WNT11: variants seen among roughly 807,000 people sequenced by gnomAD.
WNT11 encodes Wnt family member 11.
WNT11 carries 20 observed loss-of-function variants against 35.6 expected under a neutral mutation model. The observed-to-expected ratio is 0.56, with a 90% CI of 0.40 to 0.82. The LOEUF is 0.82. WNT11 is among the 40% of genes least tolerant of loss of function. The pLI is 0.00. For missense variants in WNT11, 459 were observed against 504.4 expected (o/e 0.91, Z 0.86); for synonymous variants, 200 against 211.9 (o/e 0.94, Z 0.49).
intron 1 of WNT11, among the ~76,000 whole-genome samples, chr11:76,202,763 C>T (rs1275098994): frequency 6.6e-6 from 1 of 152,214 alleles, no homozygotes; most frequent in Non-Finnish European, 1.5e-5. Flanking sequence ...TGAGAGTCCT[C>T]CTGTTCTCTC....
At chr11:76,206,629 C>A, upstream of WNT11, 1 of 984,964 alleles carries the variant, frequency 1.0e-6, no homozygotes, top group Non-Finnish European at 1.3e-6. Context: ...CCCGCTCCGC[C>A]CGGCCGGGGG....
chr11:76,206,581 T>G (rs1591314665), upstream of WNT11: 3 of 1,171,236 alleles, frequency 2.6e-6, no homozygotes, highest in South Asian at 4.2e-5. Context: ...AAAGGAGGGG[T>G]CGGGGCCCGG....
rs1343390640 is a variant in WNT11, at chr11:76,202,534, G to A, written c.83+3791C>T. Among the ~76,000 whole-genome samples, 4 of 152,242 alleles carry A rather than the reference G, an allele frequency of 2.6e-5. No homozygotes were observed. The East Asian group carries it at 7.7e-4, about 29-fold the overall frequency. On this transcript the variant is annotated intron_variant, in intron 1 of 4. Coordinates refer to ENST00000322563, the MANE Select transcript of WNT11 (RefSeq NM_004626.3). The stretch of plus-strand genomic sequence containing the variant: ...GGACCCCAGGCTCTAGGCCACCCAG[G>A]CAAGCCCAGCCTCTCCCCAGGCTTC...
At chr11:76,209,022 T>G (rs1001532185), upstream of WNT11, among the ~76,000 whole-genome samples, 2 of 152,154 alleles carry the variant, frequency 1.3e-5, no homozygotes, top group Non-Finnish European at 2.9e-5. Flanking sequence ...CGTCGCGGGC[T>G]GGGGTCAAGT....
intron 4 of WNT11, 91 bp downstream of exon 4, chr11:76,191,473 C>A: frequency 7.0e-7 from 1 of 1,424,514 alleles, no homozygotes. Context: ...CACATGCCAC[C>A]TGAGTCCCTG....
upstream of WNT11, among the ~76,000 whole-genome samples, chr11:76,208,318 A>G (rs1412398759): frequency 1.3e-5 from 2 of 151,910 alleles, no homozygotes. Context: ...TGGATCGTAC[A>G]GTTTTTTTCC....
chr11:76,209,486 G>T (rs1005551564), upstream of WNT11, among the ~76,000 whole-genome samples: 3 of 152,136 alleles, frequency 2.0e-5, no homozygotes, highest in African/African-American at 7.2e-5. Flanking sequence ...GCGCAAGGTC[G>T]GCACGGGCGG....
At chr11:76,193,631 G>A (rs560720546) in intron 3 of WNT11, among the ~76,000 whole-genome samples, 1 of 152,354 alleles carries the variant, frequency 6.6e-6, no homozygotes, top group South Asian at 2.1e-4. Context: ...CTCACACAAG[G>A]AAGACCCTTG....
Position 76,189,169 on chromosome 11 carries a change from T to C in WNT11, c.891-1930A>G, listed in dbSNP as rs1220221498. The stretch of plus-strand genomic sequence containing the variant: ...TGTTTAGCCACTTGGCATCCATGAG[T>C]TCCCCCTCAGCCTTCTCCTGAAGGC... On this transcript the variant is annotated intron_variant, in intron 4 of 4. Coordinates refer to ENST00000322563, the MANE Select transcript of WNT11 (RefSeq NM_004626.3). Among the ~76,000 whole-genome samples the C allele has an allele frequency of 3.9e-5, 6 of 152,354 alleles. No homozygotes were observed. In the East Asian group the frequency reaches 7.7e-4, roughly 20 times the overall value.
chr11:76,190,656 T>C (rs1953169249), intron 4 of WNT11: 1 of 152,218 alleles, frequency 6.6e-6, no homozygotes, highest in Non-Finnish European at 1.5e-5. Context: ...TGTGGAATGC[T>C]ATTAGGGGCT....
upstream of WNT11, among the ~76,000 whole-genome samples, chr11:76,209,505 G>T (rs1953527332): frequency 6.6e-6 from 1 of 152,162 alleles, no homozygotes; most frequent in Non-Finnish European, 1.5e-5. Flanking sequence ...GGGTCCCGAA[G>T]CCTCCCGCCA....
upstream of WNT11, chr11:76,206,535 G>A (rs577288766): frequency 1.8e-5 from 22 of 1,225,584 alleles, no homozygotes; most frequent in South Asian, 7.8e-4. Flanking sequence ...GGGTTAAGGC[G>A]GCGCGCGGGC....
At chr11:76,206,667 G>T, upstream of WNT11, 1 of 705,830 alleles carries the variant, frequency 1.4e-6, no homozygotes, top group Non-Finnish European at 1.9e-6. Context: ...CTCGAATTAG[G>T]CGCGGCCGAA....
upstream of WNT11, chr11:76,210,431 C>G: frequency 1.0e-6 from 1 of 985,336 alleles, no homozygotes; most frequent in Non-Finnish European, 1.2e-6. Context: ...CCTGGCGGGT[C>G]CCCGCTGAGC....
chr11:76,193,453 C>T (rs868102686), intron 3 of WNT11, among the ~76,000 whole-genome samples: 2 of 151,118 alleles, frequency 1.3e-5, no homozygotes, highest in African/African-American at 2.5e-5. Flanking sequence ...GCGTGCTGGC[C>T]GCTGGCGAAG....
intron 2 of WNT11, among the ~76,000 whole-genome samples, chr11:76,195,734 T>C (rs1054174606): frequency 3.9e-5 from 6 of 152,248 alleles, no homozygotes; most frequent in Non-Finnish European, 8.8e-5. Context: ...AGCAAGCCAC[T>C]TTCCCTTCTC....
intron 1 of WNT11, among the ~76,000 whole-genome samples, chr11:76,197,256 A>G (rs887741592): frequency 5.9e-5 from 9 of 152,222 alleles, no homozygotes; most frequent in Non-Finnish European, 1.2e-4. Flanking sequence ...CCCATTTATT[A>G]TGTTGTAAAG....
chr11:76,207,147 A>C (rs1433960103), upstream of WNT11, among the ~76,000 whole-genome samples: 1 of 152,148 alleles, frequency 6.6e-6, no homozygotes, highest in Non-Finnish European at 1.5e-5. Flanking sequence ...GGGTCACCTG[A>C]GGTCAGGAGC....
upstream of WNT11, chr11:76,206,516 G>T: frequency 8.1e-7 from 1 of 1,239,736 alleles, no homozygotes; most frequent in East Asian, 3.3e-5. Flanking sequence ...CGGGGAGAGC[G>T]GAGGCGGCGG....
Sources: allele counts gnomAD v4.1 joint callset (sites outside exome capture counted in the v4.1 genomes callset), GRCh38; gene constraint gnomAD v4.1.1; transcripts MANE v1.5; gene names NCBI Gene and HGNC (gene_info 2026-07-23, HGNC 2026-07-21).